The following FMN2 variants were observed in gnomAD, a reference collection of about 807,000 sequenced individuals.
FMN2 encodes formin-2.
A neutral mutation model predicts 142.3 loss-of-function variants in FMN2; 51 were observed. The observed-to-expected ratio is 0.36, with a 90% confidence interval of 0.29 to 0.45. The LOEUF (loss-of-function observed/expected upper bound fraction) is 0.45, where lower values mean the gene tolerates loss of function less well. Among genes scored for constraint, FMN2 ranks in the 20% least tolerant of loss-of-function variants. FMN2 has a pLI of 1.00. For missense variants in FMN2, 1,936 were observed against 2,122.8 expected (o/e 0.91, Z 1.73); for synonymous variants, 882 against 869.8 (o/e 1.01, Z -0.25).
intron 4 of FMN2, among the ~76,000 whole-genome samples, chr1:240,197,123 G>A (rs377431339): frequency 3.9e-5 from 6 of 152,214 alleles, no homozygotes; most frequent in African/African-American, 1.2e-4. Context: ...CCCCAGCCTC[G>A]GGAACTGGGA....
intron 13 of FMN2, among the ~76,000 whole-genome samples, chr1:240,347,797 G>T (rs2103036329): frequency 6.6e-6 from 1 of 152,228 alleles, no homozygotes; most frequent in African/African-American, 2.4e-5. Flanking sequence ...GTGGTATTTG[G>T]TTTTCTGTTT....
intron 8 of FMN2, among the ~76,000 whole-genome samples, chr1:240,328,168 A>AAAAG (rs1553363687): frequency 9.7e-4 from 132 of 135,678 alleles, no homozygotes; most frequent in South Asian, 4.1e-3. Flanking sequence ...AAAAAAAAAA[A>AAAAG]AAAAGAAAAA....
At chr1:240,367,266 G>A (rs553791088) in intron 14 of FMN2, among the ~76,000 whole-genome samples, 25 of 152,054 alleles carry the variant, frequency 1.6e-4, no homozygotes, top group African/African-American at 6.0e-4. Context: ...GTTTTTTAAT[G>A]ACTTGTCTTT....
intron 4 of FMN2, among the ~76,000 whole-genome samples, chr1:240,192,799 T>G (rs1250166677): frequency 1.3e-5 from 2 of 151,904 alleles, no homozygotes; most frequent in Non-Finnish European, 2.9e-5. Flanking sequence ...TAGGTAACAT[T>G]TTGAAAGGTA....
intron 15 of FMN2, among the ~76,000 whole-genome samples, chr1:240,408,578 A>G (rs1333154167): frequency 6.6e-6 from 1 of 152,114 alleles, no homozygotes; most frequent in Non-Finnish European, 1.5e-5. Flanking sequence ...TTTAAAGTTG[A>G]TTTTTATTTC....
At chr1:240,460,000 C>T (rs1405866251) in intron 16 of FMN2, among the ~76,000 whole-genome samples, 1 of 152,150 alleles carries the variant, frequency 6.6e-6, no homozygotes. Context: ...ATACTGACTA[C>T]AATTCACATC....
intron 2 of FMN2, among the ~76,000 whole-genome samples, chr1:240,153,831 C>T (rs375806709): frequency 5.3e-5 from 8 of 152,094 alleles, no homozygotes; most frequent in East Asian, 1.9e-4. Context: ...GAAGTGTGAA[C>T]ACCAGCCGGG....
At position 240,166,535 on chromosome 1, in the gene FMN2, T is replaced by C. The variant is rs944062120; in HGVS notation, c.1783-11386T>C. Among the ~76,000 whole-genome samples, 6 of 152,158 alleles carry C rather than the reference T, an allele frequency of 3.9e-5. No homozygotes were observed. In the South Asian group the frequency reaches 6.2e-4, roughly 16 times the overall value. On this transcript the variant is annotated intron_variant, in intron 2 of 17. Transcript: ENST00000319653. ...GTGAGCCACTGCACCCAGCCTCGTGTATTATATTTACAATATAAATTTATA... is the reference window on the plus strand; with the variant it reads ...GTGAGCCACTGCACCCAGCCTCGTGCATTATATTTACAATATAAATTTATA...
At chr1:240,386,569 G>C (rs1673412728) in intron 14 of FMN2, among the ~76,000 whole-genome samples, 1 of 152,182 alleles carries the variant, frequency 6.6e-6, no homozygotes, top group African/African-American at 2.4e-5. Flanking sequence ...TTCAGCAGAA[G>C]TATTTCACAT....
In FMN2 at chr1:240,445,330, G is replaced by T. The variant is rs756263985; in HGVS notation, c.5060+7120G>T. On this transcript the variant is annotated intron_variant, in intron 16 of 17. Coordinates refer to ENST00000319653, the MANE Select transcript of FMN2 (RefSeq NM_020066.5). The stretch of plus-strand genomic sequence containing the variant: ...AAGTAAGCGCATATTTAAGTTACAA[G>T]CTGAAATCAGTGCTATGAGGAAAAT... Among the ~76,000 whole-genome samples the T allele has an allele frequency of 1.6e-4, 25 of 152,184 alleles. 1 individual carries two copies. The highest frequency in any genetic ancestry group is 2.1e-4 in the Non-Finnish European group (14 of 68,048).
At chr1:240,337,789 C>T (rs1671613983) in intron 13 of FMN2, among the ~76,000 whole-genome samples, 1 of 152,166 alleles carries the variant, frequency 6.6e-6, no homozygotes, top group Non-Finnish European at 1.5e-5. Flanking sequence ...ATGGCTCAGA[C>T]ATTTTAATGA....
At chr1:240,381,026 C>A (rs1188648107) in intron 14 of FMN2, among the ~76,000 whole-genome samples, 1 of 151,890 alleles carries the variant, frequency 6.6e-6, no homozygotes, top group African/African-American at 2.4e-5. Flanking sequence ...TTAAAAAAAT[C>A]TCTAAACAAA....
intron 7 of FMN2, among the ~76,000 whole-genome samples, chr1:240,275,184 CAT>C (rs990440622): frequency 2.0e-5 from 3 of 151,182 alleles, no homozygotes; most frequent in African/African-American, 7.3e-5. Context: ...TGTTTTGCTG[CAT>C]GCATCAACCC....
chr1:240,142,682 G>A, intron 2 of FMN2: 2 of 1,610,462 alleles, frequency 1.2e-6, no homozygotes, highest in Non-Finnish European at 1.7e-6. Flanking sequence ...GATCATAATT[G>A]GGGTTCTTCC....
intron 2 of FMN2, chr1:240,142,602 C>A (rs1663235707): frequency 1.4e-6 from 2 of 1,478,924 alleles, no homozygotes; most frequent in Non-Finnish European, 1.8e-6. Context: ...GCTGTGTCCA[C>A]CCTTGGCAGC....
At position 240,333,901 on chromosome 1, in the gene FMN2, C is replaced by G. The variant is rs1248564839; in HGVS notation, c.4599C>G (p.Ser1533Arg). 1.2e-6 allele frequency: 2 copies of G among 1,607,516 alleles called. No homozygotes were observed. The highest frequency in any genetic ancestry group is 1.7e-5 in the Admixed American group (1 of 59,526). ...KDVKSSDNSR[S>R]LLSYIVSYYL... The stretch of plus-strand genomic sequence containing the variant: ...TTTCTGCCTAGGACAATAGCAGAAG[C>G]CTTTTGTCATATATTGTTTCGTATT... Residue 1533 changes from serine to arginine, a missense_variant, in exon 12 of 18, where the codon AGC becomes AGG. Ser to Arg is a moderately radical substitution (Grantham distance 110, BLOSUM62 -1). Coordinates refer to ENST00000319653, the MANE Select transcript of FMN2 (RefSeq NM_020066.5).
chr1:240,104,388 C>T (rs1034517974), intron 1 of FMN2, among the ~76,000 whole-genome samples: 1 of 151,860 alleles, frequency 6.6e-6, no homozygotes, highest in African/African-American at 2.4e-5. Flanking sequence ...CTTTTTCTTC[C>T]TGGTCCTCAG....
At chr1:240,252,982 C>A in intron 6 of FMN2, among the ~76,000 whole-genome samples, 1 of 32,504 alleles carries the variant, frequency 3.1e-5, no homozygotes. Flanking sequence ...GAGACAGAGT[C>A]TCACTCTGTC....
At chr1:240,444,704 G>A (rs1351152067) in intron 16 of FMN2, among the ~76,000 whole-genome samples, 3 of 152,094 alleles carry the variant, frequency 2.0e-5, no homozygotes, top group Non-Finnish European at 2.9e-5. Context: ...AAGGTTATGC[G>A]TTACATTGGC....
Sources: gnomAD v4.1 joint callset for allele counts (sites outside exome capture counted in the v4.1 genomes callset) on GRCh38, gnomAD v4.1.1 for gene constraint, MANE v1.5 for transcripts, NCBI Gene and HGNC (gene_info 2026-07-23, HGNC 2026-07-21) for gene names.